The following LIN52 variants were observed in gnomAD, a reference collection of about 807,000 sequenced individuals.
LIN52 encodes protein lin-52 homolog.
In LIN52, 4 loss-of-function variants were observed where a neutral mutation model predicts 18.5. That is an observed-to-expected ratio of 0.22 (90% CI 0.11 to 0.49). The LOEUF (loss-of-function observed/expected upper bound fraction) is 0.49, where lower values mean the gene tolerates loss of function less well. LIN52 is among the 20% of genes least tolerant of loss of function. LIN52 has a pLI of 0.97. For synonymous variants in LIN52, 34 were observed against 45.5 expected, an observed-to-expected ratio of 0.75 and a Z score of 1.02; for missense variants, 102 against 139.5, an observed-to-expected ratio of 0.73 and a Z score of 1.35.
intron 5 of LIN52, among the ~76,000 whole-genome samples, chr14:74,184,713 A>G (rs546055938): frequency 6.6e-6 from 1 of 152,230 alleles, no homozygotes; most frequent in Non-Finnish European, 1.5e-5. Context: ...TGGCAGAAAA[A>G]ATGTTAAATT....
chr14:74,114,728 T>A (rs1186095619), intron 5 of LIN52, among the ~76,000 whole-genome samples: 1 of 152,218 alleles, frequency 6.6e-6, no homozygotes, highest in Non-Finnish European at 1.5e-5. Flanking sequence ...AGATATCTAG[T>A]TCAGTCATAT....
At chr14:74,156,373 T>C (rs2061199248) in intron 5 of LIN52, among the ~76,000 whole-genome samples, 1 of 152,194 alleles carries the variant, frequency 6.6e-6, no homozygotes, top group Non-Finnish European at 1.5e-5. Context: ...ATAGTCAGTC[T>C]GTCTATCAAC....
At chr14:74,135,576 T>G (rs2061092971) in intron 5 of LIN52, among the ~76,000 whole-genome samples, 1 of 152,204 alleles carries the variant, frequency 6.6e-6, no homozygotes, top group African/African-American at 2.4e-5. Flanking sequence ...GTGGGAAGAT[T>G]AAAGGAGGTG....
intron 5 of LIN52, among the ~76,000 whole-genome samples, chr14:74,194,883 G>A (rs2078900304): frequency 1.3e-5 from 2 of 152,228 alleles, no homozygotes; most frequent in Non-Finnish European, 1.5e-5. Context: ...GGTGGCTCAT[G>A]CCTATAATCC....
chr14:74,128,225 G>T (rs1188583853), intron 5 of LIN52, among the ~76,000 whole-genome samples: 3 of 152,170 alleles, frequency 2.0e-5, no homozygotes, highest in Non-Finnish European at 2.9e-5. Flanking sequence ...GCAGAGGCTG[G>T]TGGGCTTCCT....
intron 5 of LIN52, among the ~76,000 whole-genome samples, chr14:74,121,306 A>C (rs1323170838): frequency 6.6e-6 from 1 of 152,118 alleles, no homozygotes; most frequent in Admixed American, 6.5e-5. Flanking sequence ...TTTCCATTCT[A>C]TATTATTGAT....
At chr14:74,172,804 A>G (rs953741869) in intron 5 of LIN52, among the ~76,000 whole-genome samples, 1 of 152,362 alleles carries the variant, frequency 6.6e-6, no homozygotes, top group East Asian at 1.9e-4. Flanking sequence ...AATGGCAACC[A>G]TGTAACTAGT....
At chr14:74,138,147 A>G (rs2061108445) in intron 5 of LIN52, among the ~76,000 whole-genome samples, 1 of 152,230 alleles carries the variant, frequency 6.6e-6, no homozygotes, top group South Asian at 2.1e-4. Flanking sequence ...GCTCTGCCTG[A>G]TCTAACGTTT....
At chr14:74,188,739 G>A (rs1265669389) in intron 5 of LIN52, among the ~76,000 whole-genome samples, 1 of 152,108 alleles carries the variant, frequency 6.6e-6, no homozygotes, top group Non-Finnish European at 1.5e-5. Flanking sequence ...AGGAGTGAGA[G>A]AAATTAATCA....
intron 2 of LIN52, among the ~76,000 whole-genome samples, chr14:74,092,920 A>G (rs1380364909): frequency 6.6e-6 from 1 of 151,776 alleles, no homozygotes; most frequent in Non-Finnish European, 1.5e-5. Context: ...CTTTCTCAAA[A>G]AAATCCCCCA....
chr14:74,150,122 A>G (rs1214516103), intron 5 of LIN52, among the ~76,000 whole-genome samples: 2 of 152,110 alleles, frequency 1.3e-5, no homozygotes, highest in Admixed American at 1.3e-4. Context: ...AACTGATCAT[A>G]CCTCTACCCT....
chr14:74,199,129 C>A lies in LIN52; in HGVS notation c.*152C>A, dbSNP rs1347498699. 3 of 568,920 alleles carry A rather than the reference C, an allele frequency of 5.3e-6. No homozygotes were observed. Among genetic ancestry groups the A allele is most frequent in the Non-Finnish European group, 9.4e-6 (3 of 320,272 alleles). 35.2% of individuals were successfully genotyped at this position (568,920 alleles called of 1,614,324 possible). On this transcript the variant is annotated 3_prime_UTR_variant, in exon 6 of 6. Transcript: ENST00000555028. ...CCCCTGCTCCTGGCACTCTACACGT[C>A]TGAGGACATTCAGCAGCAAGAGAAG... is the stretch of plus-strand genomic sequence containing the variant.
intron 5 of LIN52, among the ~76,000 whole-genome samples, chr14:74,118,874 C>T (rs78365311): frequency 1.1e-3 from 173 of 152,338 alleles, no homozygotes; most frequent in African/African-American, 4.0e-3. Context: ...GTGACTTATA[C>T]TATCATAGAA....
In LIN52 at chr14:74,161,601, G is replaced by A. The variant is rs1050136879; in HGVS notation, c.284-37321G>A. Among the ~76,000 whole-genome samples the A allele has an allele frequency of 7.9e-5, 12 of 152,244 alleles. No individual in the cohort carries two copies. The East Asian group carries it at 2.3e-3, about 29-fold the overall frequency. ...GTAGCAGAAAGCTGCTAACCCCTAG[G>A]ACTGAAGGAGAGTCAACAGAGGAAC... is the stretch of plus-strand genomic sequence containing the variant. On this transcript the variant is annotated intron_variant, in intron 5 of 5. Transcript: ENST00000555028.
intron 5 of LIN52, among the ~76,000 whole-genome samples, chr14:74,140,474 A>G (rs2061123501): frequency 6.6e-6 from 1 of 152,256 alleles, no homozygotes; most frequent in African/African-American, 2.4e-5. Flanking sequence ...AAAGCCTCTT[A>G]TCTGATGTCT....
chr14:74,089,023 G>T (rs915787128), intron 1 of LIN52, among the ~76,000 whole-genome samples: 2 of 152,114 alleles, frequency 1.3e-5, no homozygotes, highest in Non-Finnish European at 2.9e-5. Context: ...ACTGATTGAC[G>T]TTTAAAAAAA....
At chr14:74,102,567 T>C (rs140843424) in intron 5 of LIN52, among the ~76,000 whole-genome samples, 44 of 152,378 alleles carry the variant, frequency 2.9e-4, no homozygotes, top group Non-Finnish European at 5.7e-4. Flanking sequence ...TGATTTATAA[T>C]GAAAAGGCAA....
At chr14:74,143,645 A>T (rs986933062) in intron 5 of LIN52, among the ~76,000 whole-genome samples, 3 of 152,046 alleles carry the variant, frequency 2.0e-5, no homozygotes, top group Non-Finnish European at 2.9e-5. Flanking sequence ...TAATTTTTTC[A>T]TATTTTTAAT....
chr14:74,175,020 AAATAAT>A (rs141936961), intron 5 of LIN52, among the ~76,000 whole-genome samples: 1 of 140,976 alleles, frequency 7.1e-6, no homozygotes. Flanking sequence ...GACTCAAAGA[AAATAAT>A]AATAATAATA....
Sources: gnomAD v4.1 joint callset for allele counts (sites outside exome capture counted in the v4.1 genomes callset) on GRCh38, gnomAD v4.1.1 for gene constraint, MANE v1.5 for transcripts, NCBI Gene and HGNC (gene_info 2026-07-23, HGNC 2026-07-21) for gene names.